The following FAM170A variants were observed in gnomAD, a reference collection of about 807,000 sequenced individuals.
FAM170A encodes protein FAM170A.
In FAM170A, 28 loss-of-function variants were observed where a neutral mutation model predicts 36.6. The ratio of observed to expected loss-of-function variants is 0.76; its 90% CI spans 0.57 to 1.05. FAM170A has a LOEUF of 1.05. Ranked by LOEUF, FAM170A falls within the 50% of genes least tolerant of loss-of-function variation. The pLI, the probability that FAM170A is intolerant of heterozygous loss-of-function variation, is 0.00. For missense variants in FAM170A, 434 were observed against 396.5 expected (o/e 1.09, Z -0.80); for synonymous variants, 156 against 143.9 (o/e 1.08, Z -0.60).
chr5:119,633,720 A>G (rs1337461755), intron 2 of FAM170A, among the ~76,000 whole-genome samples: 1 of 152,058 alleles, frequency 6.6e-6, no homozygotes, highest in Non-Finnish European at 1.5e-5. Flanking sequence ...GACATTCCAC[A>G]TATGCTGCAG....
exon 3 of FAM170A, chr5:119,634,522 C>T (rs769954266): frequency 2.5e-5 from 40 of 1,613,312 alleles, no homozygotes; most frequent in East Asian, 6.7e-5. Context: ...TCAGCTGCCA[C>T]GTCTTTCATC....
exon 3 of FAM170A, chr5:119,634,718 T>C: frequency 6.5e-7 from 1 of 1,543,054 alleles, no homozygotes; most frequent in Non-Finnish European, 8.7e-7. Context: ...TGTGTTTCAT[T>C]CTCCAAAGGA....
At chr5:119,630,136 C>A (rs1756212995) in intron 1 of FAM170A, among the ~76,000 whole-genome samples, 1 of 136,364 alleles carries the variant, frequency 7.3e-6, no homozygotes, top group East Asian at 2.2e-4. Context: ...CCTGATCCGC[C>A]TGCCTCGGCC....
intron 4 of FAM170A, among the ~76,000 whole-genome samples, chr5:119,635,388 C>A (rs963123705): frequency 2.6e-5 from 4 of 152,178 alleles, no homozygotes; most frequent in Non-Finnish European, 5.9e-5. Flanking sequence ...CCTGAAAGGA[C>A]AGGATGCCAG....
chr5:119,629,733 A>G, exon 1 of FAM170A: 1 of 1,558,012 alleles, frequency 6.4e-7, no homozygotes, highest in Non-Finnish European at 8.8e-7. Flanking sequence ...GGAGGTGGAC[A>G]TTAAGCATCT....
chr5:119,632,956 T>A, intron 2 of FAM170A, 68 bp downstream of exon 2: 1 of 1,487,604 alleles, frequency 6.7e-7, no homozygotes, highest in Non-Finnish European at 9.1e-7. Flanking sequence ...TGAAAATATT[T>A]GAGTGTGGGG....
rs10603530 is a variant in FAM170A at position 119,630,321 on chromosome 5, ATTTTTTTTT to A, written c.70+498_70+506del. Among the ~76,000 whole-genome samples, 118 of 118,398 alleles carry A rather than the reference ATTTTTTTTT, an allele frequency of 1.0e-3. 1 individual carries two copies. The highest frequency in any genetic ancestry group is 3.3e-3 in the African/African-American group (89 of 26,788). The allele number at this position is 118,398 out of a possible 152,430, so 77.7% of individuals were successfully genotyped here. On this transcript the variant is annotated intron_variant, in intron 1 of 4. Coordinates refer to ENST00000613773, the Ensembl canonical transcript of FAM170A. ...AGGCGCCCGCCACCACGCCTGGCTA[ATTTTTTTTT>A]TTTTTTTTTTTTTTGTATTTGTAGT... is the stretch of plus-strand genomic sequence containing the variant.
At chr5:119,630,373 G>A (rs1329798404) in intron 1 of FAM170A, among the ~76,000 whole-genome samples, 5 of 143,430 alleles carry the variant, frequency 3.5e-5, no homozygotes, top group Non-Finnish European at 6.0e-5. Flanking sequence ...GGGTTTCACC[G>A]TGTTAGCCAG....
exon 3 of FAM170A, chr5:119,634,302 G>A: frequency 6.2e-7 from 1 of 1,614,208 alleles, no homozygotes; most frequent in Non-Finnish European, 8.5e-7. Context: ...CTGTCTGACA[G>A]TGAGCCCAGT....
chr5:119,631,794 C>T (rs1484612430), intron 1 of FAM170A, among the ~76,000 whole-genome samples: 2 of 152,072 alleles, frequency 1.3e-5, no homozygotes, highest in Non-Finnish European at 2.9e-5. Context: ...TCTCTAAATA[C>T]CTCTTTAAGA....
At chr5:119,634,352 A>G in exon 3 of FAM170A, 1 of 1,614,192 alleles carries the variant, frequency 6.2e-7, no homozygotes, top group African/African-American at 1.3e-5. Flanking sequence ...AGAATCAGAC[A>G]GCCTGCCAGG....
At chr5:119,632,724 C>G (rs1358902197) in intron 1 of FAM170A, 24 bp from the exon 2 acceptor site, 8 of 1,543,782 alleles carry the variant, frequency 5.2e-6, no homozygotes, top group Non-Finnish European at 7.0e-6. Flanking sequence ...CATCATATCT[C>G]TGTTCCCTTC....
rs1756288942 is a variant in FAM170A, at chr5:119,632,987, T to C, written c.211+99T>C. The C allele has an allele frequency of 2.2e-6, 3 of 1,333,410 alleles. No individual in the cohort carries two copies. In the African/African-American group the frequency reaches 4.4e-5, roughly 20 times the overall value. 82.6% of individuals were successfully genotyped at this position (1,333,410 alleles called of 1,614,324 possible). A position where few individuals can be genotyped will look rare whatever the true frequency, so the allele number is the denominator to read the frequency against. ...TGGGGCTCTGTGGGCATGAGACTCT[T>C]TGGTTGCAGTGCTGCTTGGGTGTAA... On this transcript the variant is annotated intron_variant, in intron 2 of 4. Transcript: ENST00000613773.
chr5:119,632,645 C>A, intron 1 of FAM170A, 103 bp from the exon 2 acceptor site: 1 of 1,121,302 alleles, frequency 8.9e-7, no homozygotes, highest in Non-Finnish European at 1.3e-6. Context: ...GTGTTCACTA[C>A]ACCTGACATA....
intron 1 of FAM170A, among the ~76,000 whole-genome samples, chr5:119,631,035 G>T (rs1451149629): frequency 6.6e-6 from 1 of 152,232 alleles, no homozygotes; most frequent in African/African-American, 2.4e-5. Context: ...TCCACAGTGT[G>T]GGACTTCCCA....
rs763742179 is a variant in FAM170A, at chr5:119,629,721, T to C, written c.-48T>C. On this transcript the variant is annotated 5_prime_UTR_variant, in exon 1 of 5. Transcript: ENST00000613773. The stretch of plus-strand genomic sequence containing the variant: ...AGAAGGGCCAATCTACAGGAAAAAG[T>C]GGGAGGTGGACATTAAGCATCTTCT... 1.0e-4 allele frequency: 148 copies of C among 1,437,490 alleles called. No homozygotes were observed. In the East Asian group the frequency reaches 3.3e-3, roughly 32 times the overall value. The allele number at this position is 1,437,490 out of a possible 1,614,324, so 89.0% of individuals were successfully genotyped here.
At chr5:119,633,318 T>A (rs542731285) in intron 2 of FAM170A, among the ~76,000 whole-genome samples, 1 of 152,074 alleles carries the variant, frequency 6.6e-6, no homozygotes, top group African/African-American at 2.4e-5. Flanking sequence ...ACAGAGCTGT[T>A]AGAAGAGCAT....
exon 3 of FAM170A, chr5:119,634,443 C>T (rs1756333174): frequency 6.2e-7 from 1 of 1,614,040 alleles, no homozygotes; most frequent in Non-Finnish European, 8.5e-7. Context: ...AGGTGCATGG[C>T]CTGCTGCCGG....
chr5:119,632,382 C>T (rs1756272146), intron 1 of FAM170A, among the ~76,000 whole-genome samples: 2 of 152,186 alleles, frequency 1.3e-5, no homozygotes, highest in Admixed American at 1.3e-4. Context: ...GGAAAAATTA[C>T]ATATTGCATA....
Sources: allele counts gnomAD v4.1 joint callset (sites outside exome capture counted in the v4.1 genomes callset), GRCh38; gene constraint gnomAD v4.1.1; transcripts MANE v1.5; gene names NCBI Gene and HGNC (gene_info 2026-07-23, HGNC 2026-07-21).